Variants in MORF4L1 observed in about 807,000 individuals in gnomAD.
MORF4L1 encodes the protein mortality factor 4-like protein 1.
A neutral mutation model predicts 52.9 loss-of-function variants in MORF4L1; 4 were observed. That is an observed-to-expected ratio of 0.08 (90% CI 0.04 to 0.17). MORF4L1 has a LOEUF of 0.17. Ranked by LOEUF, MORF4L1 falls within the 10% of genes least tolerant of loss-of-function variation. The pLI, the probability that MORF4L1 is intolerant of heterozygous loss-of-function variation, is 1.00. For synonymous variants in MORF4L1, 123 were observed against 134.8 expected (o/e 0.91, Z 0.61); for missense variants, 214 against 390.4 (o/e 0.55, Z 3.81).
At chr15:78,878,632 T>G (rs1278656977) in intron 2 of MORF4L1, among the ~76,000 whole-genome samples, 1 of 152,186 alleles carries the variant, frequency 6.6e-6, no homozygotes, top group Non-Finnish European at 1.5e-5. Context: ...TTATATTAGG[T>G]TAAAGGTAAA....
At chr15:78,889,977 T>A (rs200934395) in intron 5 of MORF4L1, among the ~76,000 whole-genome samples, 4 of 134,572 alleles carry the variant, frequency 3.0e-5, no homozygotes, top group Admixed American at 7.5e-5. Flanking sequence ...TGTAATAGCA[T>A]TTTGGAAGGC....
intron 8 of MORF4L1, chr15:78,893,003 A>G (rs1292668323): frequency 2.6e-5 from 4 of 153,758 alleles, no homozygotes; most frequent in African/African-American, 9.6e-5. Context: ...TGTATCACTT[A>G]TTATTTGTGA....
chr15:78,873,219 G>A (rs2141579749), intron 1 of MORF4L1, 162 bp downstream of exon 1: 1 of 1,513,018 alleles, frequency 6.6e-7, no homozygotes, highest in Non-Finnish European at 8.8e-7. Flanking sequence ...GGCAATTCCG[G>A]TGCGTCATTG....
At chr15:78,876,670 T>G (rs1465502312) in intron 1 of MORF4L1, 1 of 440,474 alleles carries the variant, frequency 2.3e-6, no homozygotes, top group African/African-American at 2.0e-5. Context: ...TGTTCGCTGT[T>G]TATTAGCAGT....
At chr15:78,879,596 TGTATAC>T (rs2056562394) in intron 2 of MORF4L1, among the ~76,000 whole-genome samples, 1 of 152,136 alleles carries the variant, frequency 6.6e-6, no homozygotes, top group Admixed American at 6.5e-5. Context: ...TCTAAGTATA[TGTATAC>T]GTACATACAT....
At chr15:78,894,993 A>G in intron 11 of MORF4L1, 89 bp downstream of exon 11, 2 of 1,051,666 alleles carry the variant, frequency 1.9e-6, no homozygotes, top group Non-Finnish European at 1.5e-6. Flanking sequence ...AACATTAAAC[A>G]TTATATTGGT....
In MORF4L1 at chr15:78,898,102, A is replaced by G. The variant is rs970787422; in HGVS notation, c.*1035A>G. ...CATGAGCCAAAAATGTCAATAGACAACACAGTATTAAAATAACCCAAAAGT... is the reference window on the plus strand; with the variant it reads ...CATGAGCCAAAAATGTCAATAGACAGCACAGTATTAAAATAACCCAAAAGT... On this transcript the variant is annotated 3_prime_UTR_variant, in exon 12 of 12. Transcript: ENST00000426013. 2.0e-5 allele frequency: 3 copies of G among 152,204 alleles called. No homozygotes were observed. Among genetic ancestry groups the G allele is most frequent in the Non-Finnish European group, 4.4e-5 (3 of 68,028 alleles). 9.4% of individuals were successfully genotyped at this position (152,204 alleles called of 1,614,324 possible). A position where few individuals can be genotyped will look rare whatever the true frequency, so the allele number is the denominator to read the frequency against.
intron 9 of MORF4L1, 110 bp from the exon 10 acceptor site, chr15:78,893,948 T>C: frequency 9.2e-7 from 1 of 1,087,544 alleles, no homozygotes; most frequent in Non-Finnish European, 1.3e-6. Context: ...AAATCTCAGC[T>C]ATGGTTCATT....
At position 78,886,327 on chromosome 15, in the gene MORF4L1, A is replaced by G; in HGVS notation, c.242+100A>G. ...AGATCATGTTGGCTGCCCTGCCTAT[A>G]AAATGATTCCTGGTACCTTTCAGCT... On this transcript the variant is annotated intron_variant, in intron 4 of 11. Transcript: ENST00000426013. 6 of 1,029,664 alleles carry G rather than the reference A, an allele frequency of 5.8e-6. No homozygotes were observed. The Middle Eastern group carries it at 6.0e-4, about 104-fold the overall frequency. The allele number at this position is 1,029,664 out of a possible 1,614,324, so 63.8% of individuals were successfully genotyped here.
At chr15:78,874,512 C>T (rs2056441047) in intron 1 of MORF4L1, among the ~76,000 whole-genome samples, 1 of 151,924 alleles carries the variant, frequency 6.6e-6, no homozygotes, top group Non-Finnish European at 1.5e-5. Context: ...CGCGCGCCAT[C>T]ACGTCCGGCT....
intron 3 of MORF4L1, among the ~76,000 whole-genome samples, chr15:78,881,079 CATT>C (rs2056593293): frequency 6.7e-6 from 1 of 148,776 alleles, no homozygotes; most frequent in Non-Finnish European, 1.5e-5. Context: ...ACTTTGGAAA[CATT>C]ATTTAGTGTT....
In MORF4L1 at chr15:78,879,794, T is replaced by C. The variant is rs189721575; in HGVS notation, c.88-718T>C. ...CTACCAAAAAAAAAAAAAAAAATTATGTCCTGTTAATCGTTTTTATCCCTG... is the reference window on the plus strand; with the variant it reads ...CTACCAAAAAAAAAAAAAAAAATTACGTCCTGTTAATCGTTTTTATCCCTG... On this transcript the variant is annotated intron_variant, in intron 2 of 11. Coordinates refer to ENST00000426013, the MANE Select transcript of MORF4L1 (RefSeq NM_006791.4). Among the ~76,000 whole-genome samples the C allele has an allele frequency of 4.6e-5, 7 of 151,810 alleles. No homozygotes were observed. The East Asian group carries it at 1.4e-3, about 29-fold the overall frequency.
intron 1 of MORF4L1, among the ~76,000 whole-genome samples, chr15:78,875,565 G>A (rs896192388): frequency 6.6e-6 from 1 of 151,832 alleles, no homozygotes; most frequent in African/African-American, 2.4e-5. Context: ...ATCACCTGAG[G>A]TCAGCGGTTC....
chr15:78,890,758 AG>A (rs2056787243), intron 5 of MORF4L1: 1 of 293,116 alleles, frequency 3.4e-6, no homozygotes, highest in South Asian at 5.4e-5. Flanking sequence ...CTGGGATTAC[AG>A]GCATGTGCCA....
At position 78,897,227 on chromosome 15, in the gene MORF4L1, G is replaced by T; in HGVS notation, c.*160G>T. ...AGAGAAAAAATAAAAGGGGGTAATA[G>T]CTCCTTTTTTCTTCTTTCTTTTTTT... On this transcript the variant is annotated 3_prime_UTR_variant, in exon 12 of 12. Transcript: ENST00000426013. 3.8e-6 allele frequency: 2 copies of T among 531,314 alleles called. No individual in the cohort carries two copies. Among genetic ancestry groups the T allele is most frequent in the Non-Finnish European group, 6.7e-6 (2 of 298,292 alleles). The allele number at this position is 531,314 out of a possible 1,614,324, so 32.9% of individuals were successfully genotyped here.
intron 1 of MORF4L1, among the ~76,000 whole-genome samples, chr15:78,875,135 C>T (rs930990893): frequency 6.6e-6 from 1 of 152,130 alleles, no homozygotes; most frequent in Non-Finnish European, 1.5e-5. Context: ...CAGTTGGTTT[C>T]CTTTGTACTA....
chr15:78,896,645 T>G (rs2056895569), intron 11 of MORF4L1, among the ~76,000 whole-genome samples: 1 of 152,138 alleles, frequency 6.6e-6, no homozygotes, highest in Non-Finnish European at 1.5e-5. Flanking sequence ...CTAGATGTTC[T>G]TTTAGGGTAA....
intron 3 of MORF4L1, 125 bp downstream of exon 3, chr15:78,880,704 G>T: frequency 1.6e-6 from 1 of 644,044 alleles, no homozygotes; most frequent in Non-Finnish European, 2.6e-6. Context: ...TTGAAGCAAA[G>T]GTGAATCATT....
chr15:78,894,748 C>T lies in MORF4L1; in HGVS notation c.803-72C>T, dbSNP rs183559638. ...TAAAGGAATTGGTGGTGTTTGCTCA[C>T]ATAATTAAAATACATGGTTGTAGTG... On this transcript the variant is annotated intron_variant, in intron 10 of 11. Transcript: ENST00000426013. 7.2e-5 allele frequency: 84 copies of T among 1,163,908 alleles called. No individual in the cohort carries two copies. The African/African-American group carries it at 9.1e-4, about 13-fold the overall frequency. 72.1% of individuals were successfully genotyped at this position (1,163,908 alleles called of 1,614,324 possible). A position where few individuals can be genotyped will look rare whatever the true frequency, so the allele number is the denominator to read the frequency against.
Sources: gnomAD v4.1 joint callset for allele counts (sites outside exome capture counted in the v4.1 genomes callset) on GRCh38, gnomAD v4.1.1 for gene constraint, MANE v1.5 for transcripts, NCBI Gene and HGNC (gene_info 2026-07-23, HGNC 2026-07-21) for gene names.